FUT8: variants seen among roughly 807,000 people sequenced by gnomAD.
FUT8 encodes the protein alpha-(1,6)-fucosyltransferase.
Under a neutral mutation model 71.3 loss-of-function variants are expected in FUT8, and 29 were observed. The ratio of observed to expected loss-of-function variants is 0.41; its 90% CI spans 0.30 to 0.55. The LOEUF is 0.55. Ranked by LOEUF, FUT8 falls within the 20% of genes least tolerant of loss-of-function variation. The pLI is 0.34. For missense variants in FUT8, 544 were observed against 702.1 expected (o/e 0.77, Z 2.55); for synonymous variants, 254 against 239.3 (o/e 1.06, Z -0.57).
intron 1 of FUT8, chr14:65,430,129 C>T (rs1306678514): frequency 6.6e-6 from 1 of 151,812 alleles, no homozygotes; most frequent in Non-Finnish European, 1.5e-5. Flanking sequence ...AATCTATCCT[C>T]CCAGCTCAGC....
At chr14:65,510,767 G>T (rs1882288568) in intron 2 of FUT8, among the ~76,000 whole-genome samples, 1 of 152,064 alleles carries the variant, frequency 6.6e-6, no homozygotes, top group Non-Finnish European at 1.5e-5. Flanking sequence ...GATATCGGTT[G>T]TACTGTCTCC....
the FUT8 span, among the ~76,000 whole-genome samples, chr14:65,398,655 G>A: frequency 3.3e-5 from 5 of 151,656 alleles, no homozygotes; most frequent in Non-Finnish European, 1.5e-5. Context: ...AGAATTGCTT[G>A]AACCCAGGAG....
chr14:65,602,341 TCTCA>T (rs1363220345), intron 3 of FUT8, among the ~76,000 whole-genome samples: 1,076 of 50,048 alleles, frequency 0.021, 58 homozygotes, highest in Non-Finnish European at 0.031. Context: ...GCGTTCCATC[TCTCA>T]CACACACACA....
chr14:65,594,731 C>T (rs1317819567), intron 3 of FUT8, among the ~76,000 whole-genome samples: 2 of 152,102 alleles, frequency 1.3e-5, no homozygotes, highest in African/African-American at 4.8e-5. Context: ...GCAGGTTGCT[C>T]TCCCCTGAAG....
At chr14:65,491,874 A>C (rs2066486911) in intron 2 of FUT8, among the ~76,000 whole-genome samples, 1 of 152,180 alleles carries the variant, frequency 6.6e-6, no homozygotes, top group Non-Finnish European at 1.5e-5. Flanking sequence ...TCATCATCAC[A>C]ATCTTTTTGT....
intron 2 of FUT8, among the ~76,000 whole-genome samples, chr14:65,490,498 G>A (rs763247246): frequency 6.6e-6 from 1 of 151,978 alleles, no homozygotes; most frequent in Non-Finnish European, 1.5e-5. Flanking sequence ...AGCTAATGTT[G>A]ACATTATTAC....
rs977506359 is a variant in FUT8, at chr14:65,489,635, G to A, written c.-228+33917G>A. On this transcript the variant is annotated intron_variant, in intron 2 of 10. Coordinates refer to ENST00000673929, the MANE Select transcript of FUT8 (RefSeq NM_001371533.1). The surrounding 1 kb of genome is among the most constrained non-coding windows in gnomAD (Gnocchi z 4.0). The stretch of plus-strand genomic sequence containing the variant: ...CATATTTAAAATATAACATAAAAAT[G>A]AGTCTTAAAATATGTATAGCTTCAT... 5.9e-5 allele frequency among the ~76,000 whole-genome samples: 9 copies of A among 152,086 alleles called. No individual in the cohort carries two copies. Among genetic ancestry groups the A allele is most frequent in the Non-Finnish European group, 1.0e-4 (7 of 67,984 alleles).
At chr14:65,720,454 G>T (rs1418684075) in intron 7 of FUT8, among the ~76,000 whole-genome samples, 1 of 152,192 alleles carries the variant, frequency 6.6e-6, no homozygotes, top group South Asian at 2.1e-4. Flanking sequence ...TTGGTGCTCT[G>T]TTCCACTGTG....
At chr14:65,672,268 G>C (rs1892509656) in intron 7 of FUT8, among the ~76,000 whole-genome samples, 1 of 152,088 alleles carries the variant, frequency 6.6e-6, no homozygotes, top group Admixed American at 6.6e-5. Context: ...ATTCCTAATA[G>C]TTTATGTGCC....
chr14:65,728,421 G>A (rs1895795476), intron 9 of FUT8, among the ~76,000 whole-genome samples: 1 of 152,204 alleles, frequency 6.6e-6, no homozygotes, highest in Admixed American at 6.5e-5. Context: ...AGCTTGTGCA[G>A]GGAAACTCCT....
At chr14:65,393,527 A>AT in the FUT8 span, among the ~76,000 whole-genome samples, 1 of 152,126 alleles carries the variant, frequency 6.6e-6, no homozygotes, top group Non-Finnish European at 1.5e-5. Context: ...GCATAGGTGG[A>AT]TTTTTTTCAA....
chr14:65,373,805 G>C, the FUT8 span, among the ~76,000 whole-genome samples: 2 of 152,218 alleles, frequency 1.3e-5, no homozygotes, highest in Non-Finnish European at 2.9e-5. Context: ...CCAAAAGCCA[G>C]TTGTAGGAGG....
intron 1 of FUT8, among the ~76,000 whole-genome samples, chr14:65,420,947 C>T (rs753807386): frequency 5.9e-5 from 9 of 152,154 alleles, no homozygotes; most frequent in Non-Finnish European, 1.3e-4. Context: ...GTAATCCCAG[C>T]ACTTTGGGAG....
rs1326649072 is a variant in FUT8 at position 65,638,123 on chromosome 14, T to C, written c.597+8517T>C. 1.3e-5 allele frequency among the ~76,000 whole-genome samples: 2 copies of C among 152,232 alleles called. No individual in the cohort carries two copies. The highest frequency in any genetic ancestry group is 3.8e-4 in the East Asian group (2 of 5,200). On this transcript the variant is annotated intron_variant, in intron 6 of 10. Transcript: ENST00000673929. The surrounding 1 kb of genome is among the most constrained non-coding windows in gnomAD (Gnocchi z 4.5). ...AAGGTGAAGTTCGTAACCACATTTC[T>C]TCTGGTTAGCTGCAGAAGCAGTGTA...
At chr14:65,723,963 A>G (rs1895553923) in intron 8 of FUT8, among the ~76,000 whole-genome samples, 184 bp from the exon 9 acceptor site, 1 of 152,204 alleles carries the variant, frequency 6.6e-6, no homozygotes, top group African/African-American at 2.4e-5. Flanking sequence ...GCCTGCAAAT[A>G]TATTTAGAAT....
intron 1 of FUT8, among the ~76,000 whole-genome samples, chr14:65,424,679 G>C (rs2139401943): frequency 6.8e-6 from 1 of 148,092 alleles, no homozygotes; most frequent in East Asian, 2.0e-4. Flanking sequence ...TTCTTTTTTT[G>C]ACCCAGGGTC....
rs12436349 is a variant in FUT8, at chr14:65,554,740, C to T, written c.-227-6597C>T. Among the ~76,000 whole-genome samples, 874 of 152,156 alleles carry T rather than the reference C, an allele frequency of 5.7e-3. 30 individuals carry two copies. In the East Asian group the frequency reaches 0.093, roughly 16 times the overall value. On this transcript the variant is annotated intron_variant, in intron 2 of 10. Transcript: ENST00000673929. ...CTGCTTCTTCATTCTTGGTTTGGAG[C>T]CTCGGTGCTGGAGTCTTTCCTCTGT... is the stretch of plus-strand genomic sequence containing the variant.
intron 10 of FUT8, among the ~76,000 whole-genome samples, chr14:65,739,061 TTTAC>T (rs1395851887): frequency 1.3e-5 from 2 of 152,100 alleles, no homozygotes; most frequent in African/African-American, 2.4e-5. Context: ...TTTTTTGAAA[TTTAC>T]TTAATCTTTC....
At chr14:65,522,679 C>T (rs1191795976) in intron 2 of FUT8, among the ~76,000 whole-genome samples, 1 of 151,778 alleles carries the variant, frequency 6.6e-6, no homozygotes, top group Admixed American at 6.6e-5. Context: ...CCCATTAACT[C>T]GTCATTTATA....
Sources: allele counts gnomAD v4.1 joint callset (sites outside exome capture counted in the v4.1 genomes callset), GRCh38; gene constraint gnomAD v4.1.1; non-coding constraint Gnocchi (gnomAD v3.1); transcripts MANE v1.5; gene names NCBI Gene and HGNC (gene_info 2026-07-23, HGNC 2026-07-21).